PEAK1: variants seen among roughly 807,000 people sequenced by gnomAD.
The protein encoded by PEAK1 is inactive tyrosine-protein kinase PEAK1.
In PEAK1, 54 loss-of-function variants were observed where a neutral mutation model predicts 124.7. That is an observed-to-expected ratio of 0.43 (90% confidence interval 0.35 to 0.54). The LOEUF is 0.54. Ranked by LOEUF, PEAK1 falls within the 20% of genes least tolerant of loss-of-function variation. The probability of loss-of-function intolerance (pLI) is 0.01; values close to 1 mark genes in which losing one functional copy is unlikely to be tolerated. For missense variants in PEAK1, 2,046 were observed against 2,134.5 expected (o/e 0.96, Z 0.82); for synonymous variants, 719 against 760.0 (o/e 0.95, Z 0.89).
At chr15:77,363,511 C>G (rs2068032805) in intron 2 of PEAK1, among the ~76,000 whole-genome samples, 1 of 152,182 alleles carries the variant, frequency 6.6e-6, no homozygotes, top group Non-Finnish European at 1.5e-5. Flanking sequence ...CACCCCAGAT[C>G]TATAAAACAG....
chr15:77,118,610 T>C (rs1232941365), intron 9 of PEAK1, among the ~76,000 whole-genome samples: 3 of 152,328 alleles, frequency 2.0e-5, no homozygotes, highest in African/African-American at 7.2e-5. Flanking sequence ...CTCATTATCT[T>C]TCTTGAAAAG....
At chr15:77,409,102 T>TG (rs2072182674) in intron 1 of PEAK1, among the ~76,000 whole-genome samples, 3 of 151,784 alleles carry the variant, frequency 2.0e-5, no homozygotes, top group Non-Finnish European at 2.9e-5. Flanking sequence ...TATTTAAGAG[T>TG]GGTACCATGG....
At chr15:77,290,218 G>A (rs978249481) in intron 2 of PEAK1, among the ~76,000 whole-genome samples, 9 of 152,092 alleles carry the variant, frequency 5.9e-5, no homozygotes, top group African/African-American at 1.2e-4. Context: ...TCCATTTCCC[G>A]GGTTCAAGCG....
At chr15:77,341,953 AAC>A (rs2066561801) in intron 2 of PEAK1, among the ~76,000 whole-genome samples, 1 of 152,118 alleles carries the variant, frequency 6.6e-6, no homozygotes, top group African/African-American at 2.4e-5. Context: ...TATTTTTTAG[AAC>A]AGTTTTAGAT....
At chr15:77,239,921 T>C (rs1029000939) in intron 6 of PEAK1, 7 of 795,948 alleles carry the variant, frequency 8.8e-6, no homozygotes, top group Non-Finnish European at 1.1e-5. Flanking sequence ...TAATTATATG[T>C]TTCTGTTTGT....
chr15:77,181,658 C>T lies in PEAK1; in HGVS notation c.269G>A (p.Ser90Asn), dbSNP rs752480842. Residue 90 changes from serine (S) to asparagine (N), a missense_variant, in exon 7 of 10, where the codon AGC (serine) becomes AAC (asparagine). Ser to Asn is a conservative substitution (Grantham distance 46). Transcript: ENST00000682557. ...TTTGTTCTCACAGTGTTCTTGGATG[C>T]TAAGCTCACCACATATACTTTGCCC... is the stretch of plus-strand genomic sequence containing the variant. ...ADGQSICGELSIQEHCENKPV... is the reference protein window; with the variant it reads ...ADGQSICGELNIQEHCENKPV... 7 of 1,614,104 alleles carry T rather than the reference C, an allele frequency of 4.3e-6. No homozygotes were observed. The highest frequency in any genetic ancestry group is 5.9e-6 in the Non-Finnish European group (7 of 1,180,024).
intron 8 of PEAK1, among the ~76,000 whole-genome samples, chr15:77,146,601 G>A (rs2054195287): frequency 6.6e-6 from 1 of 152,190 alleles, no homozygotes; most frequent in Non-Finnish European, 1.5e-5. Context: ...TCGGGACAGA[G>A]TGTATGATTT....
intron 2 of PEAK1, among the ~76,000 whole-genome samples, chr15:77,313,199 T>C (rs1485666288): frequency 1.3e-5 from 2 of 152,114 alleles, no homozygotes; most frequent in Admixed American, 6.6e-5. Context: ...ATGGTTGATA[T>C]GGGTATGTCA....
At chr15:77,336,636 G>C in intron 2 of PEAK1, 1 of 662,398 alleles carries the variant, frequency 1.5e-6, no homozygotes, top group Non-Finnish European at 1.9e-6. Flanking sequence ...CTTAATAATG[G>C]ACATCCAACA....
chr15:77,412,274 C>T (rs539105492), intron 1 of PEAK1, among the ~76,000 whole-genome samples: 44 of 152,192 alleles, frequency 2.9e-4, no homozygotes, highest in Non-Finnish European at 5.9e-4. Context: ...TTCCCATGTT[C>T]AACTGCTGAC....
At chr15:77,168,135 C>T (rs982277741) in intron 7 of PEAK1, among the ~76,000 whole-genome samples, 5 of 152,066 alleles carry the variant, frequency 3.3e-5, no homozygotes, top group Non-Finnish European at 5.9e-5. Context: ...AAGCTTCTAA[C>T]TGAATTTTCC....
chr15:77,288,661 G>A (rs142459146), intron 2 of PEAK1, among the ~76,000 whole-genome samples: 3 of 152,144 alleles, frequency 2.0e-5, no homozygotes, highest in Non-Finnish European at 4.4e-5. Context: ...ATTTCAATGA[G>A]GCTGGGCGTG....
chr15:77,231,876 ACACT>A, intron 6 of PEAK1, among the ~76,000 whole-genome samples: 1 of 152,334 alleles, frequency 6.6e-6, no homozygotes, highest in East Asian at 1.9e-4. Context: ...ATCTTCCTAC[ACACT>A]CATACAAATT....
In PEAK1 at chr15:77,125,509, T is replaced by G. The variant is rs892672431; in HGVS notation, c.4077+7496A>C. Among the ~76,000 whole-genome samples, 6 of 152,222 alleles carry G rather than the reference T, an allele frequency of 3.9e-5. No homozygotes were observed. In the South Asian group the frequency reaches 8.3e-4, roughly 21 times the overall value. The stretch of plus-strand genomic sequence containing the variant: ...GTGTGTGTGTGTGTATGTGTGTGTG[T>G]GTGTATATATATCACCACATACATA... On this transcript the variant is annotated intron_variant, in intron 9 of 9. Coordinates refer to ENST00000682557, the MANE Select transcript of PEAK1 (RefSeq NM_001385026.1).
At chr15:77,388,955 T>C (rs985566985) in intron 1 of PEAK1, among the ~76,000 whole-genome samples, 1 of 151,086 alleles carries the variant, frequency 6.6e-6, no homozygotes, top group Non-Finnish European at 1.5e-5. Context: ...TACCTTCTTT[T>C]GCTTATTTTT....
intron 7 of PEAK1, among the ~76,000 whole-genome samples, chr15:77,162,493 CAAA>C (rs71143393): frequency 6.1e-4 from 43 of 70,442 alleles, no homozygotes; most frequent in African/African-American, 3.0e-3. Context: ...GACTCCATCT[CAAA>C]AAAAAAAAAA....
chr15:77,118,039 T>C (rs899275632), intron 9 of PEAK1, among the ~76,000 whole-genome samples: 1 of 152,214 alleles, frequency 6.6e-6, no homozygotes, highest in African/African-American at 2.4e-5. Flanking sequence ...ATAAATTGTT[T>C]CACGATTTTG....
intron 7 of PEAK1, among the ~76,000 whole-genome samples, chr15:77,177,355 C>G (rs2056949051): frequency 6.6e-6 from 1 of 152,120 alleles, no homozygotes. Context: ...ACTGTTCTTT[C>G]TAGGACTACC....
intron 2 of PEAK1, chr15:77,333,392 TCTAA>T: frequency 5.1e-6 from 5 of 981,472 alleles, no homozygotes; most frequent in Non-Finnish European, 6.1e-6. Flanking sequence ...TTTTGTGGTT[TCTAA>T]CTGAGTAGAA....
Sources: allele counts gnomAD v4.1 joint callset (sites outside exome capture counted in the v4.1 genomes callset), GRCh38; gene constraint gnomAD v4.1.1; transcripts MANE v1.5; gene names NCBI Gene and HGNC (gene_info 2026-07-23, HGNC 2026-07-21).